Variants in YY1 observed in about 807,000 individuals in gnomAD.
YY1 encodes the protein YY1 transcription factor, also known as transcriptional repressor protein YY1.
In YY1, 2 loss-of-function variants were observed where a neutral mutation model predicts 35.6. The ratio of observed to expected loss-of-function variants is 0.06; its 90% CI spans 0.02 to 0.18. YY1 has a LOEUF of 0.18. Ranked by LOEUF, YY1 falls within the 10% of genes least tolerant of loss-of-function variation. YY1 has a pLI of 1.00. For missense variants in YY1, 322 were observed against 573.4 expected (o/e 0.56, Z 4.48); for synonymous variants, 268 against 238.9 (o/e 1.12, Z -1.12).
chr14:100,253,857 C>G (rs756652755), intron 1 of YY1, among the ~76,000 whole-genome samples: 2 of 151,916 alleles, frequency 1.3e-5, no homozygotes, highest in Non-Finnish European at 2.9e-5. Context: ...GAGATGGAGT[C>G]TCACTGTTGT....
chr14:100,265,202 AC>A (rs1479774053), intron 2 of YY1: 3 of 152,194 alleles, frequency 2.0e-5, no homozygotes, highest in Non-Finnish European at 4.4e-5. Flanking sequence ...ACATAGTGAA[AC>A]CCCATCTCTA....
At chr14:100,270,487 G>A (rs1291239942) in intron 2 of YY1, among the ~76,000 whole-genome samples, 1 of 149,916 alleles carries the variant, frequency 6.7e-6, no homozygotes, top group African/African-American at 2.5e-5. Context: ...GCCAGGCATG[G>A]TGGCACGCGC....
Position 100,268,385 on chromosome 14 carries a change from G to C in YY1, c.842+5919G>C, listed in dbSNP as rs1388421285. Among the ~76,000 whole-genome samples, 9 of 152,208 alleles carry C rather than the reference G, an allele frequency of 5.9e-5. No homozygotes were observed. The East Asian group carries it at 1.7e-3, about 29-fold the overall frequency. On this transcript the variant is annotated intron_variant, in intron 2 of 4. Coordinates refer to ENST00000262238, the MANE Select transcript of YY1 (RefSeq NM_003403.5). The stretch of plus-strand genomic sequence containing the variant: ...TATGGATGACTTTTTTTCCCGAAAT[G>C]TCTGTTCAGTAAACATTTTGAAAAG...
chr14:100,255,085 C>G (rs1335533112), intron 1 of YY1, among the ~76,000 whole-genome samples: 1 of 150,860 alleles, frequency 6.6e-6, no homozygotes, highest in African/African-American at 2.4e-5. Context: ...ATGTGAGCCA[C>G]TGTGCCCAGC....
rs1181938513 is a variant in YY1 at position 100,278,959 on chromosome 14, TC to T, written c.*1361del. 6.6e-6 allele frequency: 1 copy of T among 152,254 alleles called. No individual in the cohort carries two copies. Among genetic ancestry groups the T allele is most frequent in the Non-Finnish European group, 1.5e-5 (1 of 68,048 alleles). 9.4% of individuals were successfully genotyped at this position (152,254 alleles called of 1,614,324 possible). ...GGTTATTTGGTTTGAGAGCCCTTGTTCCTCCATCTAGTGGAGTCCTTATTAA... is the reference window on the plus strand; with the variant it reads ...GGTTATTTGGTTTGAGAGCCCTTGTTCTCCATCTAGTGGAGTCCTTATTAA... On this transcript the variant is annotated 3_prime_UTR_variant, in exon 5 of 5. Coordinates refer to ENST00000262238, the MANE Select transcript of YY1 (RefSeq NM_003403.5).
chr14:100,243,932 T>C (rs1890789304), intron 1 of YY1, among the ~76,000 whole-genome samples: 1 of 151,928 alleles, frequency 6.6e-6, no homozygotes, highest in African/African-American at 2.4e-5. Context: ...GGTAAAACCC[T>C]GTCTCTACTA....
chr14:100,280,551 T>C lies in YY1; in HGVS notation c.*2951T>C, dbSNP rs1049636710. 22 of 152,220 alleles carry C rather than the reference T, an allele frequency of 1.4e-4. No individual in the cohort carries two copies. Among genetic ancestry groups the C allele is most frequent in the African/African-American group, 5.3e-4 (22 of 41,468 alleles). The allele number at this position is 152,220 out of a possible 1,614,324, so 9.4% of individuals were successfully genotyped here. On this transcript the variant is annotated 3_prime_UTR_variant, in exon 5 of 5. Coordinates refer to ENST00000262238, the MANE Select transcript of YY1 (RefSeq NM_003403.5). ...CTGAACTCATGCTGTTGGTTTCATA[T>C]GGTGTTTGTGTGCTTTGCCTAGATT...
intron 1 of YY1, among the ~76,000 whole-genome samples, chr14:100,256,237 G>A (rs1283179845): frequency 1.3e-5 from 2 of 151,844 alleles, no homozygotes; most frequent in East Asian, 3.9e-4. Context: ...TGCATATTTA[G>A]TTGCCTTTTT....
chr14:100,280,392 C>T lies in YY1; in HGVS notation c.*2792C>T, dbSNP rs1328455325. On this transcript the variant is annotated 3_prime_UTR_variant, in exon 5 of 5. Transcript: ENST00000262238. ...AAAAACTCCAGAGGATAAGTTTACA[C>T]TTAACAAGATGTTGTTTTCTATTTT... 6.6e-6 allele frequency: 1 copy of T among 152,174 alleles called. No homozygotes were observed. Among genetic ancestry groups the T allele is most frequent in the Non-Finnish European group, 1.5e-5 (1 of 68,034 alleles). The allele number at this position is 152,174 out of a possible 1,614,324, so 9.4% of individuals were successfully genotyped here.
At chr14:100,249,012 G>A (rs1264477074) in intron 1 of YY1, among the ~76,000 whole-genome samples, 1 of 147,628 alleles carries the variant, frequency 6.8e-6, no homozygotes. Context: ...TAGCCATTCA[G>A]TTACTTTGGT....
At chr14:100,248,045 A>G (rs995327470) in intron 1 of YY1, among the ~76,000 whole-genome samples, 8 of 151,630 alleles carry the variant, frequency 5.3e-5, no homozygotes, top group Non-Finnish European at 7.4e-5. Flanking sequence ...CCCGAGTTCA[A>G]ACAATTTTCC....
In YY1 at chr14:100,279,341, T is replaced by C. The variant is rs1307286004; in HGVS notation, c.*1741T>C. On this transcript the variant is annotated 3_prime_UTR_variant, in exon 5 of 5. Coordinates refer to ENST00000262238, the MANE Select transcript of YY1 (RefSeq NM_003403.5). The stretch of plus-strand genomic sequence containing the variant: ...CCCATCAGGTGAAACACATAGCCCA[T>C]TGTCTTAGAGCTTCTCCATCGGTCC... The C allele has an allele frequency of 1.3e-5, 2 of 152,212 alleles. No homozygotes were observed. The allele number at this position is 152,212 out of a possible 1,614,324, so 9.4% of individuals were successfully genotyped here.
intron 2 of YY1, among the ~76,000 whole-genome samples, chr14:100,273,313 A>G (rs972606979): frequency 3.3e-5 from 5 of 151,646 alleles, no homozygotes; most frequent in Admixed American, 6.6e-5. Context: ...TCCAATACAG[A>G]GTTTCGTTCT....
intron 1 of YY1, among the ~76,000 whole-genome samples, chr14:100,260,059 A>G (rs926253258): frequency 6.6e-6 from 1 of 152,060 alleles, no homozygotes; most frequent in African/African-American, 2.4e-5. Context: ...CAGTGGATCA[A>G]AGAGGGAAGA....
intron 2 of YY1, among the ~76,000 whole-genome samples, chr14:100,271,164 A>G (rs1891232692): frequency 6.6e-6 from 1 of 152,050 alleles, no homozygotes; most frequent in Non-Finnish European, 1.5e-5. Context: ...GGAGAATGGC[A>G]TGAACCTGGG....
In YY1 at chr14:100,277,624, G is replaced by A. The variant is rs547794853; in HGVS notation, c.*24G>A. On this transcript the variant is annotated 3_prime_UTR_variant, in exon 5 of 5. Coordinates refer to ENST00000262238, the MANE Select transcript of YY1 (RefSeq NM_003403.5). The surrounding 1 kb of genome is among the most constrained non-coding windows in gnomAD (Gnocchi z 5.6). Reference sequence around the variant, plus strand: ...GAAAAGAAGAGAGAAGACCCTTCTCGACCACGGGAAGCATCTTCCAGAAGT... The same window carrying A: ...GAAAAGAAGAGAGAAGACCCTTCTCAACCACGGGAAGCATCTTCCAGAAGT... 6 of 1,611,426 alleles carry A rather than the reference G, an allele frequency of 3.7e-6. No homozygotes were observed. The highest frequency in any genetic ancestry group is 2.2e-5 in the South Asian group (2 of 90,920).
intron 2 of YY1, among the ~76,000 whole-genome samples, chr14:100,262,912 T>C (rs1193405842): frequency 6.6e-6 from 1 of 152,140 alleles, no homozygotes; most frequent in Non-Finnish European, 1.5e-5. Flanking sequence ...ACACATTTTA[T>C]TTTTTATTTT....
chr14:100,243,142 A>G (rs185819674), intron 1 of YY1, among the ~76,000 whole-genome samples: 1 of 152,210 alleles, frequency 6.6e-6, no homozygotes, highest in Non-Finnish European at 1.5e-5. Flanking sequence ...TGAAATTCTG[A>G]AGGTGATTTC....
chr14:100,272,957 T>G lies in YY1; in HGVS notation c.843-1741T>G, dbSNP rs12881797. On this transcript the variant is annotated intron_variant, in intron 2 of 4. Transcript: ENST00000262238. ...GGCCCCCAGCTAGTTTTTTGTTGTT[T>G]TTTTTTTGTTTTTTTTTTTTTGAGA... is the stretch of plus-strand genomic sequence containing the variant. Among the ~76,000 whole-genome samples, 80 of 75,154 alleles carry G rather than the reference T, an allele frequency of 1.1e-3. 1 individual carries two copies. The highest frequency in any genetic ancestry group is 1.4e-3 in the Non-Finnish European group (53 of 38,560). 49.3% of individuals were successfully genotyped at this position (75,154 alleles called of 152,430 possible). A position where few individuals can be genotyped will look rare whatever the true frequency, so the allele number is the denominator to read the frequency against.
Sources: gnomAD v4.1 joint callset for allele counts (sites outside exome capture counted in the v4.1 genomes callset) on GRCh38, gnomAD v4.1.1 for gene constraint, Gnocchi (gnomAD v3.1) non-coding constraint, MANE v1.5 for transcripts, NCBI Gene and HGNC (gene_info 2026-07-23, HGNC 2026-07-21) for gene names.